RPN1: variants seen among roughly 807,000 people sequenced by gnomAD.
RPN1 encodes the protein ribophorin I.
Under a neutral mutation model 55.5 loss-of-function variants are expected in RPN1, and 12 were observed. The ratio of observed to expected loss-of-function variants is 0.22; its 90% CI spans 0.14 to 0.35. The LOEUF is 0.35. Among genes scored for constraint, RPN1 ranks in the 10% least tolerant of loss-of-function variants. RPN1 has a pLI of 1.00. For synonymous variants in RPN1, 317 were observed against 305.9 expected, an observed-to-expected ratio of 1.04 and a Z score of -0.38; for missense variants, 679 against 761.3, an observed-to-expected ratio of 0.89 and a Z score of 1.27.
intron 9 of RPN1, among the ~76,000 whole-genome samples, chr3:128,620,796 A>G (rs1182150748): frequency 6.6e-6 from 1 of 152,122 alleles, no homozygotes; most frequent in African/African-American, 2.4e-5. Context: ...ACCACCCACA[A>G]GCCCCGTTCT....
intron 3 of RPN1, among the ~76,000 whole-genome samples, chr3:128,634,580 T>G (rs1339317792): frequency 6.6e-6 from 1 of 150,862 alleles, no homozygotes; most frequent in African/African-American, 2.4e-5. Context: ...TTTTTTTTTT[T>G]GAGACAAACT....
At chr3:128,643,342 A>C (rs1249255850) in intron 2 of RPN1, among the ~76,000 whole-genome samples, 1 of 150,932 alleles carries the variant, frequency 6.6e-6, no homozygotes, top group Non-Finnish European at 1.5e-5. Flanking sequence ...AAAAAAAAAA[A>C]ACAAAGATAG....
chr3:128,637,759 T>C, intron 3 of RPN1, 40 bp downstream of exon 3: 1 of 1,589,334 alleles, frequency 6.3e-7, no homozygotes. Context: ...AGACATTCTC[T>C]GAAGCAGACA....
chr3:128,633,228 C>CTTT (rs1186659305), intron 3 of RPN1, among the ~76,000 whole-genome samples: 1 of 145,056 alleles, frequency 6.9e-6, no homozygotes, highest in Admixed American at 6.9e-5. Context: ...CTTTTTTTTT[C>CTTT]TTTTTTTTTT....
intron 1 of RPN1, among the ~76,000 whole-genome samples, chr3:128,645,247 G>A (rs576931163): frequency 6.6e-5 from 10 of 152,226 alleles, no homozygotes; most frequent in South Asian, 4.1e-4. Context: ...CAAAGTGGGC[G>A]GATCACCTGA....
At chr3:128,647,910 A>C (rs1464808355) in intron 1 of RPN1, among the ~76,000 whole-genome samples, 1 of 152,166 alleles carries the variant, frequency 6.6e-6, no homozygotes, top group Non-Finnish European at 1.5e-5. Context: ...GCTCCTAGTC[A>C]GTAACCACCA....
intron 9 of RPN1, among the ~76,000 whole-genome samples, chr3:128,620,798 C>A (rs2069553124): frequency 1.3e-5 from 2 of 152,218 alleles, no homozygotes; most frequent in East Asian, 1.9e-4. Context: ...CACCCACAAG[C>A]CCCGTTCTTA....
At chr3:128,627,173 T>A (rs2069605459) in intron 5 of RPN1, 1 of 294,302 alleles carries the variant, frequency 3.4e-6, no homozygotes, top group Non-Finnish European at 6.7e-6. Context: ...AGCAGGCCAG[T>A]GTGAGGAGTG....
chr3:128,620,015 T>TAAA lies in RPN1; in HGVS notation c.*393_*395dup, dbSNP rs367651108. 6.7e-3 allele frequency: 1,187 copies of TAAA among 178,334 alleles called. 2 individuals are homozygous for TAAA. Among genetic ancestry groups the TAAA allele is most frequent in the East Asian group, 0.03 (358 of 11,738 alleles). The allele number at this position is 178,334 out of a possible 1,614,324, so 11.0% of individuals were successfully genotyped here. On this transcript the variant is annotated 3_prime_UTR_variant, in exon 10 of 10. Transcript: ENST00000296255. ...TATTTCCATTTGTTCACACACGCTT[T>TAAA]AAAAAAAAAAAAAAAAACACATGCA...
chr3:128,646,951 C>T (rs1242419629), intron 1 of RPN1, among the ~76,000 whole-genome samples: 2 of 148,758 alleles, frequency 1.3e-5, no homozygotes, highest in Non-Finnish European at 3.0e-5. Context: ...CCAGCCTGGG[C>T]AACAGAGTGG....
At chr3:128,638,128 GAAGT>G (rs757057021) in intron 2 of RPN1, 23 bp from the exon 3 acceptor site, 7 of 1,582,182 alleles carry the variant, frequency 4.4e-6, no homozygotes, top group Non-Finnish European at 5.2e-6. Flanking sequence ...CAAGGCAAGA[GAAGT>G]AAGAGAGACT....
In RPN1 at chr3:128,626,051, C is replaced by G. The variant is rs112207589; in HGVS notation, c.1137-39G>C. The stretch of plus-strand genomic sequence containing the variant: ...GGAATAAAATATAGCCTCCAACCAA[C>G]TACATCAATAAACCAGATTTAGGAT... On this transcript the variant is annotated intron_variant, in intron 6 of 9. Transcript: ENST00000296255. The G allele has an allele frequency of 8.5e-4, 1,328 of 1,556,292 alleles. 15 individuals are homozygous for G. The African/African-American group carries it at 0.016, about 19-fold the overall frequency.
chr3:128,633,908 G>T (rs550928669), intron 3 of RPN1, among the ~76,000 whole-genome samples: 3 of 151,944 alleles, frequency 2.0e-5, no homozygotes, highest in African/African-American at 7.3e-5. Flanking sequence ...GCTTGAACCC[G>T]GGAGGCGGAG....
At chr3:128,623,087 C>G (rs2069572582) in intron 8 of RPN1, among the ~76,000 whole-genome samples, 1 of 152,066 alleles carries the variant, frequency 6.6e-6, no homozygotes, top group African/African-American at 2.4e-5. Flanking sequence ...GTCTCTACAA[C>G]ACCACAAATG....
chr3:128,628,308 A>C (rs2069615830), intron 5 of RPN1, among the ~76,000 whole-genome samples: 1 of 152,190 alleles, frequency 6.6e-6, no homozygotes, highest in Non-Finnish European at 1.5e-5. Context: ...AAAAAAAAAG[A>C]AAAATTCAGA....
chr3:128,631,892 A>G, intron 4 of RPN1, 56 bp downstream of exon 4: 1 of 1,581,392 alleles, frequency 6.3e-7, no homozygotes, highest in East Asian at 2.2e-5. Flanking sequence ...AGCAAAGAAT[A>G]GGTAGCTGTG....
intron 8 of RPN1, among the ~76,000 whole-genome samples, chr3:128,623,365 C>T (rs539281528): frequency 1.1e-3 from 162 of 152,156 alleles, no homozygotes; most frequent in Admixed American, 2.4e-3. Flanking sequence ...GGCAAAACCC[C>T]ATCTCTAATA....
At position 128,620,276 on chromosome 3, in the gene RPN1, G is replaced by C. The variant is rs2069549269; in HGVS notation, c.*135C>G. 4 of 602,684 alleles carry C rather than the reference G, an allele frequency of 6.6e-6. No individual in the cohort carries two copies. In the South Asian group the frequency reaches 1.6e-4, roughly 24 times the overall value. The allele number at this position is 602,684 out of a possible 1,614,324, so 37.3% of individuals were successfully genotyped here. ...ACTCACACTGCCTGACGCAGGGCCT[G>C]GTTTCTCTTCCTTGAAGGCCTTTTA... On this transcript the variant is annotated 3_prime_UTR_variant, in exon 10 of 10. Coordinates refer to ENST00000296255, the MANE Select transcript of RPN1 (RefSeq NM_002950.4).
At chr3:128,645,012 C>T in intron 1 of RPN1, 29 bp from the exon 2 acceptor site, 1 of 1,342,326 alleles carries the variant, frequency 7.4e-7, no homozygotes. Flanking sequence ...GTTTATTATT[C>T]ATGTCTTTTG....
Sources: gnomAD v4.1 joint callset for allele counts (sites outside exome capture counted in the v4.1 genomes callset) on GRCh38, gnomAD v4.1.1 for gene constraint, MANE v1.5 for transcripts, NCBI Gene and HGNC (gene_info 2026-07-23, HGNC 2026-07-21) for gene names.